The following SFMBT1 variants were observed in gnomAD, a reference collection of about 807,000 sequenced individuals.
SFMBT1 encodes scm-like with four MBT domains protein 1.
A neutral mutation model predicts 108.7 loss-of-function variants in SFMBT1; 32 were observed. The ratio of observed to expected loss-of-function variants is 0.29; its 90% CI spans 0.22 to 0.40. The LOEUF is 0.40. SFMBT1 is among the 10% of genes least tolerant of loss of function. The pLI is 1.00. For missense variants in SFMBT1, 816 were observed against 1,059.6 expected (o/e 0.77, Z 3.19); for synonymous variants, 348 against 369.5 (o/e 0.94, Z 0.67).
chr3:52,947,096 T>G (rs1245127212), intron 3 of SFMBT1, among the ~76,000 whole-genome samples: 1 of 147,816 alleles, frequency 6.8e-6, no homozygotes, highest in Non-Finnish European at 1.5e-5. Flanking sequence ...CTAACCAACA[T>G]TTTTCTATTT....
intron 8 of SFMBT1, among the ~76,000 whole-genome samples, chr3:52,929,863 T>C (rs563891732): frequency 6.6e-6 from 1 of 152,314 alleles, no homozygotes; most frequent in African/African-American, 2.4e-5. Context: ...TTGTCAGTAT[T>C]CCAAAAGATT....
chr3:52,920,627 A>C lies in SFMBT1; in HGVS notation c.1282T>G (p.Cys428Gly). The change falls in exon 12 of 21, where the codon TGT (cysteine) becomes GGT (glycine). Residue 428 changes from cysteine (C) to glycine (G), a missense_variant. This residue lies in a region of SFMBT1 where 495 missense variants were observed against 607.4 expected (regional missense o/e 0.81). Coordinates refer to ENST00000394752, the MANE Select transcript of SFMBT1 (RefSeq NM_016329.4). ...LEGSKKPIPE[C>G]IVSVESMDIF... ...TCCATGGATTCCACACTCACAATACATTCAGGTATAGGCTTCTTAGAACCT... is the reference window on the plus strand; with the variant it reads ...TCCATGGATTCCACACTCACAATACCTTCAGGTATAGGCTTCTTAGAACCT... 6.2e-7 allele frequency: 1 copy of C among 1,613,332 alleles called. No individual in the cohort carries two copies. Among genetic ancestry groups the C allele is most frequent in the South Asian group, 1.1e-5 (1 of 91,062 alleles).
chr3:52,936,180 C>A (rs552971771), intron 4 of SFMBT1, among the ~76,000 whole-genome samples: 96 of 152,296 alleles, frequency 6.3e-4, no homozygotes, highest in Non-Finnish European at 1.0e-3. Flanking sequence ...TGATTCATTA[C>A]GGGCTCAATG....
rs144541320 is a variant in SFMBT1, at chr3:52,905,045, C to T, written c.*91G>A. The T allele has an allele frequency of 4.3e-5, 67 of 1,540,542 alleles. No homozygotes were observed. The highest frequency in any genetic ancestry group is 5.5e-5 in the Non-Finnish European group (63 of 1,138,466). Reference sequence around the variant, plus strand: ...AAGCTGATACCTGCAGGCCCCAGAGCCCCAGGACTATTCCAGCTCCACTTA... The same window carrying T: ...AAGCTGATACCTGCAGGCCCCAGAGTCCCAGGACTATTCCAGCTCCACTTA... On this transcript the variant is annotated 3_prime_UTR_variant, in exon 21 of 21. Transcript: ENST00000394752.
In SFMBT1 at chr3:52,905,036, G is replaced by C; in HGVS notation, c.*100C>G. 3 of 1,477,536 alleles carry C rather than the reference G, an allele frequency of 2.0e-6. No homozygotes were observed. The highest frequency in any genetic ancestry group is 2.7e-6 in the Non-Finnish European group (3 of 1,099,560). 91.5% of individuals were successfully genotyped at this position (1,477,536 alleles called of 1,614,324 possible). A position where few individuals can be genotyped will look rare whatever the true frequency, so the allele number is the denominator to read the frequency against. On this transcript the variant is annotated 3_prime_UTR_variant, in exon 21 of 21. Transcript: ENST00000394752. ...AAAGAGAGCAAGCTGATACCTGCAG[G>C]CCCCAGAGCCCCAGGACTATTCCAG...
intron 4 of SFMBT1, 94 bp from the exon 5 acceptor site, chr3:52,934,995 A>AT: frequency 9.9e-7 from 1 of 1,013,854 alleles, no homozygotes; most frequent in Non-Finnish European, 1.5e-6. Flanking sequence ...GGTATTTCAC[A>AT]TTTTAAGATC....
In SFMBT1 at chr3:52,914,563, AAAAAAC is replaced by A. The variant is rs149411271; in HGVS notation, c.1481-952_1481-947del. 2.2e-4 allele frequency among the ~76,000 whole-genome samples: 33 copies of A among 151,644 alleles called. 1 individual carries two copies. The highest frequency in any genetic ancestry group is 9.8e-4 in the Admixed American group (15 of 15,258). On this transcript the variant is annotated intron_variant, in intron 14 of 20. Transcript: ENST00000394752. ...TAACACAGTGAAGCCCCATCTCTAC[AAAAAAC>A]AAAAACAAAAACAAAAACAAAAAAA...
In SFMBT1 at chr3:53,040,856, C is replaced by T. The variant is rs539517975; in HGVS notation, c.-131+4960G>A. On this transcript the variant is annotated intron_variant, in intron 1 of 20. Transcript: ENST00000394752. The stretch of plus-strand genomic sequence containing the variant: ...GACAGGGTCTCGCTATGTCACCAGG[C>T]TGAAGGGGTGTGATCACAGCCCACT... Among the ~76,000 whole-genome samples, 4 of 151,148 alleles carry T rather than the reference C, an allele frequency of 2.6e-5. No homozygotes were observed. In the East Asian group the frequency reaches 7.7e-4, roughly 29 times the overall value.
At position 52,918,534 on chromosome 3, in the gene SFMBT1, A is replaced by C; in HGVS notation, c.1373-8T>G. On this transcript the variant is annotated splice_region_variant and splice_polypyrimidine_tract_variant and intron_variant, in intron 12 of 20. Coordinates refer to ENST00000394752, the MANE Select transcript of SFMBT1 (RefSeq NM_016329.4). ...TTTTCCTCTGTTTATATACTGTAGA[A>C]AGAAAAAAATATATAAATGCCAAGA... is the stretch of plus-strand genomic sequence containing the variant. 6.6e-7 allele frequency: 1 copy of C among 1,524,934 alleles called. No individual in the cohort carries two copies. The highest frequency in any genetic ancestry group is 8.8e-7 in the Non-Finnish European group (1 of 1,134,698). The allele number at this position is 1,524,934 out of a possible 1,614,324, so 94.5% of individuals were successfully genotyped here. A position where few individuals can be genotyped will look rare whatever the true frequency, so the allele number is the denominator to read the frequency against.
chr3:53,008,526 T>C (rs1430301962), intron 1 of SFMBT1, among the ~76,000 whole-genome samples: 2 of 152,126 alleles, frequency 1.3e-5, no homozygotes, highest in African/African-American at 4.8e-5. Context: ...AGGGAAGTAG[T>C]ATAAAATAGT....
rs140038778 is a variant in SFMBT1 at position 53,013,104 on chromosome 3, G to A, written c.-131+32712C>T. 1.6e-3 allele frequency among the ~76,000 whole-genome samples: 248 copies of A among 151,820 alleles called. 5 individuals are homozygous for A. In the East Asian group the frequency reaches 0.036, roughly 22 times the overall value. On this transcript the variant is annotated intron_variant, in intron 1 of 20. Transcript: ENST00000394752. ...ACAATCATCTGAAAATCTGCTTTAG[G>A]AATTGTGGAGCTACTGGATTTGATT...
At chr3:53,007,545 G>A (rs1274067208) in intron 1 of SFMBT1, among the ~76,000 whole-genome samples, 1 of 152,180 alleles carries the variant, frequency 6.6e-6, no homozygotes, top group Non-Finnish European at 1.5e-5. Flanking sequence ...CAAGAATAAT[G>A]GAGACATGTC....
At chr3:52,960,968 T>G (rs1030335271) in intron 2 of SFMBT1, among the ~76,000 whole-genome samples, 1 of 152,106 alleles carries the variant, frequency 6.6e-6, no homozygotes, top group African/African-American at 2.4e-5. Flanking sequence ...AAATCTCGTG[T>G]CTACAAAAAT....
intron 1 of SFMBT1, among the ~76,000 whole-genome samples, chr3:52,969,601 A>T (rs1303314223): frequency 1.3e-5 from 2 of 152,182 alleles, no homozygotes; most frequent in Non-Finnish European, 2.9e-5. Flanking sequence ...TCCAGTTCCT[A>T]ATGGTCTCCT....
intron 1 of SFMBT1, among the ~76,000 whole-genome samples, chr3:52,999,796 C>A (rs1698476214): frequency 6.7e-6 from 1 of 150,130 alleles, no homozygotes; most frequent in Non-Finnish European, 1.5e-5. Context: ...CCCTGATGGG[C>A]CCCCCAAGCT....
At chr3:52,961,353 G>A (rs1176174143) in intron 2 of SFMBT1, among the ~76,000 whole-genome samples, 2 of 152,150 alleles carry the variant, frequency 1.3e-5, no homozygotes, top group Admixed American at 1.3e-4. Context: ...GAGATGGATG[G>A]CAGTGATTAC....
In SFMBT1 at chr3:53,000,920, G is replaced by GA. The variant is rs563127937; in HGVS notation, c.-130-31663dup. Among the ~76,000 whole-genome samples, 168 of 149,662 alleles carry GA rather than the reference G, an allele frequency of 1.1e-3. 8 individuals are homozygous for GA. The highest frequency in any genetic ancestry group is 1.8e-3 in the African/African-American group (75 of 41,288). ...ATAAGTTATTGCAAATGCTTAAAAT[G>GA]AAAAAAAATATATGAAAAGAAGAAA... On this transcript the variant is annotated intron_variant, in intron 1 of 20. Transcript: ENST00000394752.
At chr3:52,922,538 T>C (rs1702551149) in intron 10 of SFMBT1, among the ~76,000 whole-genome samples, 1 of 152,218 alleles carries the variant, frequency 6.6e-6, no homozygotes, top group Non-Finnish European at 1.5e-5. Context: ...AGCTAAAATT[T>C]AGAACAGGGT....
chr3:53,013,247 T>A (rs2106931083), intron 1 of SFMBT1, among the ~76,000 whole-genome samples: 3 of 151,882 alleles, frequency 2.0e-5, no homozygotes, highest in East Asian at 3.9e-4. Flanking sequence ...AGTTACAATT[T>A]ATGCACTAGT....
Sources: gnomAD v4.1 joint callset for allele counts (sites outside exome capture counted in the v4.1 genomes callset) on GRCh38, gnomAD v4.1.1 for gene constraint, gnomAD v4.1.1 regional missense constraint, MANE v1.5 for transcripts, NCBI Gene and HGNC (gene_info 2026-07-23, HGNC 2026-07-21) for gene names.